The following LTBP4 variants were observed in gnomAD, a reference collection of about 807,000 sequenced individuals.
LTBP4 encodes the protein latent transforming growth factor beta binding protein 4.
Under a neutral mutation model 180.2 loss-of-function variants are expected in LTBP4, and 93 were observed. That is an observed-to-expected ratio of 0.52 (90% CI 0.44 to 0.61). LTBP4 has a LOEUF of 0.61. LTBP4 is among the 20% of genes least tolerant of loss of function. LTBP4 has a pLI of 0.00. For missense variants in LTBP4, 2,116 were observed against 2,256.5 expected (o/e 0.94, Z 1.26); for synonymous variants, 947 against 934.5 (o/e 1.01, Z -0.24).
rs1489839325 is a variant in LTBP4, at chr19:40,609,750, G to A, written c.1563G>A (p.Val521=). Residue 521 remains valine, a synonymous_variant, in exon 11 of 30, where the codon GTG becomes GTA. Transcript: ENST00000396819. This position sits in a 1 kb window ranked among gnomAD's most constrained non-coding sequence, Gnocchi z 4.9. ...CAGCCCCCTCCGTGTCCTCAGATGT[G>A]GACGAATGTCGCCGCGTGCCCCCGC... ...LSPQGTRCID[V]DECRRVPPPC... is the part of the protein sequence containing the mutation. 1 of 1,612,202 alleles carries A rather than the reference G, an allele frequency of 6.2e-7. No individual in the cohort carries two copies. Among genetic ancestry groups the A allele is most frequent in the African/African-American group, 1.3e-5 (1 of 75,022 alleles).
chr19:40,617,481 T>C lies in LTBP4; in HGVS notation c.3070+256T>C, dbSNP rs531653540. On this transcript the variant is annotated intron_variant, in intron 21 of 29. Transcript: ENST00000396819. ...CAACATGGTGAAACCCCGTCTCTACTAAAAATACAAAAATTAGCCGGATCT... is the reference window on the plus strand; with the variant it reads ...CAACATGGTGAAACCCCGTCTCTACCAAAAATACAAAAATTAGCCGGATCT... 9.7e-4 allele frequency among the ~76,000 whole-genome samples: 147 copies of C among 152,156 alleles called. 1 individual carries two copies. The highest frequency in any genetic ancestry group is 3.5e-3 in the African/African-American group (147 of 41,516).
intron 28 of LTBP4, 80 bp downstream of exon 28, chr19:40,627,435 G>T (rs1361477011): frequency 4.2e-6 from 6 of 1,431,910 alleles, no homozygotes; most frequent in South Asian, 1.5e-5. Flanking sequence ...AACAGAAGGC[G>T]GGAGGAGAGA....
intron 7 of LTBP4, 42 bp from the exon 8 acceptor site, chr19:40,608,178 C>T: frequency 6.2e-7 from 1 of 1,611,494 alleles, no homozygotes. Flanking sequence ...CGTTTTCTTC[C>T]CGCTCTCTTG....
At position 40,626,972 on chromosome 19, in the gene LTBP4, C is replaced by A; in HGVS notation, c.3986-3C>A. On this transcript the variant is annotated splice_polypyrimidine_tract_variant and splice_region_variant and intron_variant, in intron 27 of 29. Coordinates refer to ENST00000396819, the MANE Select transcript of LTBP4 (RefSeq NM_001042545.2). ...GATTGTTTGCCTTGGCTCCTGTTCC[C>A]AGATGACTTCGAGGCCCTGTGCAAT... is the stretch of plus-strand genomic sequence containing the variant. 6.5e-7 allele frequency: 1 copy of A among 1,542,462 alleles called. No homozygotes were observed. Among genetic ancestry groups the A allele is most frequent in the Non-Finnish European group, 8.8e-7 (1 of 1,141,208 alleles).
upstream of LTBP4, chr19:40,600,124 G>A (rs772715006): frequency 7.9e-7 from 1 of 1,258,340 alleles, no homozygotes; most frequent in Non-Finnish European, 1.0e-6. The surrounding 1 kb of genome is among the most constrained non-coding windows in gnomAD (Gnocchi z 4.4). Context: ...CCAGGGGGCC[G>A]GGGACTACTG....
At chr19:40,607,641 C>A in intron 7 of LTBP4, 112 bp downstream of exon 7, 2 of 1,264,802 alleles carry the variant, frequency 1.6e-6, no homozygotes, top group Non-Finnish European at 2.1e-6. Flanking sequence ...TGGGCTCCAG[C>A]CTTGGCCACG....
rs543717406 is a variant in LTBP4 at position 40,607,393 on chromosome 19, G to A, written c.1020G>A (p.Gly340=). Residue 340 remains glycine, a synonymous_variant, in exon 7 of 30, where the codon GGG becomes GGA. Coordinates refer to ENST00000396819, the MANE Select transcript of LTBP4 (RefSeq NM_001042545.2). ...ISQHVISEAK[G]PCFRVLRDGG... is the part of the protein sequence containing the mutation. ...AACACGTGATCTCAGAGGCCAAAGG[G>A]CCCTGCTTCCGCGTGCTCCGCGACG... is the stretch of plus-strand genomic sequence containing the variant. The A allele has an allele frequency of 2.4e-5, 39 of 1,612,920 alleles. No individual in the cohort carries two copies. The highest frequency in any genetic ancestry group is 3.1e-5 in the Non-Finnish European group (36 of 1,179,620).
At chr19:40,606,626 C>A in intron 6 of LTBP4, 100 bp downstream of exon 6, 1 of 1,439,318 alleles carries the variant, frequency 6.9e-7, no homozygotes, top group Non-Finnish European at 9.3e-7. Flanking sequence ...CCCCCCCAGA[C>A]TCCCGGGTTC....
rs1381021864 is a variant in LTBP4 at position 40,629,521 on chromosome 19, C to A, written c.4645C>A (p.His1549Asn). Reference protein sequence around the residue: ...PGFAPTHQPHHCAPARPRA With the variant: ...PGFAPTHQPHNCAPARPRA ...ATTCGCACCCACGCACCAGCCGCACCACTGTGCGCCCGCACGGCCCCGGGC... is the reference window on the plus strand; with the variant it reads ...ATTCGCACCCACGCACCAGCCGCACAACTGTGCGCCCGCACGGCCCCGGGC... Residue 1549 changes from histidine to asparagine, a missense_variant, in exon 30 of 30, where the codon CAC becomes AAC. His to Asn is a moderately conservative substitution (Grantham distance 68). Transcript: ENST00000396819. This position sits in a 1 kb window ranked among gnomAD's most constrained non-coding sequence, Gnocchi z 4.5. 1.9e-6 allele frequency: 3 copies of A among 1,581,964 alleles called. No homozygotes were observed. The highest frequency in any genetic ancestry group is 1.7e-5 in the Admixed American group (1 of 58,570).
Position 40,602,145 on chromosome 19 carries a change from T to TTGTGTGTG in LTBP4, c.250+539_250+546dup, listed in dbSNP as rs751242257. Among the ~76,000 whole-genome samples the TTGTGTGTG allele has an allele frequency of 1.8e-3, 149 of 81,808 alleles. 2 individuals are homozygous for TTGTGTGTG. The highest frequency in any genetic ancestry group is 7.0e-3 in the African/African-American group (116 of 16,624). 53.7% of individuals were successfully genotyped at this position (81,808 alleles called of 152,430 possible). A position where few individuals can be genotyped will look rare whatever the true frequency, so the allele number is the denominator to read the frequency against. On this transcript the variant is annotated intron_variant, in intron 1 of 29. Transcript: ENST00000396819. ...GAGGGAGAGGGGACAGAGACGGGGG[T>TTGTGTGTG]TGTGTGTGTGTGTGTGTGTGTGTGT...
At chr19:40,601,660 G>T in intron 1 of LTBP4, 23 bp downstream of exon 1, 1 of 1,337,058 alleles carries the variant, frequency 7.5e-7, no homozygotes, top group Non-Finnish European at 9.6e-7. Flanking sequence ...TGGTGGTCCC[G>T]AGAGAGCGGC....
intron 26 of LTBP4, among the ~76,000 whole-genome samples, chr19:40,624,999 C>T (rs1039006827): frequency 8.6e-5 from 13 of 150,926 alleles, no homozygotes; most frequent in Admixed American, 4.6e-4. Context: ...TCTCCCTTTT[C>T]GTTTCTGACT....
chr19:40,625,570 A>T (rs2081627931), intron 26 of LTBP4, among the ~76,000 whole-genome samples: 1 of 151,986 alleles, frequency 6.6e-6, no homozygotes, highest in Admixed American at 6.6e-5. Flanking sequence ...AACTGCCCCG[A>T]GGCCACACAG....
rs2146032220 is a variant in LTBP4 at position 40,613,135 on chromosome 19, C to T, written c.2370C>T (p.Ser790=). Residue 790 remains serine (S), a synonymous_variant, in exon 16 of 30, where the codon TCC becomes TCT. Transcript: ENST00000396819. The surrounding 1 kb of genome is among the most constrained non-coding windows in gnomAD (Gnocchi z 5.0). ...PHGHCTNTEG[S]FRCSCAPGYR... The stretch of plus-strand genomic sequence containing the variant: ...GCCACTGCACTAACACCGAAGGCTC[C>T]TTCCGCTGCAGCTGCGCGCCAGGCT... 1.2e-6 allele frequency: 2 copies of T among 1,602,154 alleles called. No individual in the cohort carries two copies. The highest frequency in any genetic ancestry group is 1.7e-6 in the Non-Finnish European group (2 of 1,174,592).
chr19:40,614,302 C>T lies in LTBP4; in HGVS notation c.2681-13C>T. The T allele has an allele frequency of 6.3e-7, 1 of 1,592,526 alleles. No individual in the cohort carries two copies. Among genetic ancestry groups the T allele is most frequent in the Non-Finnish European group, 8.5e-7 (1 of 1,173,978 alleles). Reference sequence around the variant, plus strand: ...CTGCTTCCCACATCCGACCACCCGACCTCTCTCCTCAGACGTGGACGAATG... The same window carrying T: ...CTGCTTCCCACATCCGACCACCCGATCTCTCTCCTCAGACGTGGACGAATG... On this transcript the variant is annotated splice_polypyrimidine_tract_variant and intron_variant, in intron 18 of 29. Transcript: ENST00000396819.
chr19:40,606,430 C>A lies in LTBP4; in HGVS notation c.895C>A (p.Arg299Ser). 6.3e-7 allele frequency: 1 copy of A among 1,592,064 alleles called. No individual in the cohort carries two copies. The highest frequency in any genetic ancestry group is 8.6e-7 in the Non-Finnish European group (1 of 1,169,058). The stretch of plus-strand genomic sequence containing the variant: ...TGTGGATGAGTGCGCGACTGGCGGG[C>A]GCTGCCAGCACGGCGAGTGTGCAAA... ...EDVDECATGG[R>S]CQHGECANTR... The change falls in exon 6 of 30, where the codon CGC becomes AGC. Residue 299 changes from arginine (R) to serine (S), a missense_variant. By Grantham distance (110) the Arg-to-Ser change is moderately radical. This residue lies in a region of LTBP4 where 469 missense variants were observed against 532.5 expected (regional missense o/e 0.88). Coordinates refer to ENST00000396819, the MANE Select transcript of LTBP4 (RefSeq NM_001042545.2).
chr19:40,613,889 C>T lies in LTBP4; in HGVS notation c.2558-27C>T, dbSNP rs1172998934. 6.2e-7 allele frequency: 1 copy of T among 1,612,982 alleles called. No individual in the cohort carries two copies. Among genetic ancestry groups the T allele is most frequent in the Non-Finnish European group, 8.5e-7 (1 of 1,179,710 alleles). On this transcript the variant is annotated intron_variant, in intron 17 of 29. Transcript: ENST00000396819. This position sits in a 1 kb window ranked among gnomAD's most constrained non-coding sequence, Gnocchi z 5.0. ...ATGTTAGGCGGAGCGGGAGGTGGGC[C>T]GGGCCTTCGGACGCCCTGTCCCGCA...
At position 40,613,618 on chromosome 19, in the gene LTBP4, A is replaced by G. The variant is rs2081524619; in HGVS notation, c.2557+89A>G. 1 of 1,531,358 alleles carries G rather than the reference A, an allele frequency of 6.5e-7. No individual in the cohort carries two copies. The highest frequency in any genetic ancestry group is 8.8e-7 in the Non-Finnish European group (1 of 1,141,296). 94.9% of individuals were successfully genotyped at this position (1,531,358 alleles called of 1,614,324 possible). On this transcript the variant is annotated intron_variant, in intron 17 of 29. Coordinates refer to ENST00000396819, the MANE Select transcript of LTBP4 (RefSeq NM_001042545.2). The surrounding 1 kb of genome is among the most constrained non-coding windows in gnomAD (Gnocchi z 5.0). ...GGGAGAAGAGGGCGAAAAGGGGAAA[A>G]CGAGTTTTTAGCCGGGGTATTCCAG...
chr19:40,597,180 A>C, upstream of LTBP4: 1 of 1,357,584 alleles, frequency 7.4e-7, no homozygotes, highest in Non-Finnish European at 9.4e-7. Context: ...GGCCGGGGCT[A>C]GCCTGACCCG....
Sources: gnomAD v4.1 joint callset for allele counts (sites outside exome capture counted in the v4.1 genomes callset) on GRCh38, gnomAD v4.1.1 for gene constraint, gnomAD v4.1.1 regional missense constraint, Gnocchi (gnomAD v3.1) non-coding constraint, MANE v1.5 for transcripts, NCBI Gene and HGNC (gene_info 2026-07-23, HGNC 2026-07-21) for gene names.